FRRS1: variants seen among roughly 807,000 people sequenced by gnomAD.
FRRS1 encodes the protein ferric chelate reductase 1, also known as ferric reductase 1.
FRRS1 carries 51 observed loss-of-function variants against 70.7 expected under a neutral mutation model. The observed-to-expected ratio is 0.72, with a 90% CI of 0.58 to 0.91. The LOEUF (loss-of-function observed/expected upper bound fraction) is 0.91, where lower values mean the gene tolerates loss of function less well. FRRS1 is among the 40% of genes least tolerant of loss of function. FRRS1 has a pLI of 0.00. For missense variants in FRRS1, 672 were observed against 726.0 expected, an observed-to-expected ratio of 0.93 and a Z score of 0.86; for synonymous variants, 225 against 238.7, an observed-to-expected ratio of 0.94 and a Z score of 0.53.
intron 1 of FRRS1, 36 bp from the exon 2 acceptor site, chr1:99,749,037 C>CT: frequency 3.5e-6 from 1 of 289,334 alleles, no homozygotes; most frequent in Non-Finnish European, 6.4e-6. Flanking sequence ...CTTTTCAATG[C>CT]TGTTTTTTTT....
chr1:99,720,882 C>CAG (rs1237603440), intron 9 of FRRS1, among the ~76,000 whole-genome samples: 4 of 131,630 alleles, frequency 3.0e-5, no homozygotes, highest in Non-Finnish European at 6.6e-5. Flanking sequence ...CACACACACA[C>CAG]AGAAATCATT....
chr1:99,717,095 C>T (rs1654567010), intron 11 of FRRS1, among the ~76,000 whole-genome samples: 1 of 152,146 alleles, frequency 6.6e-6, no homozygotes, highest in African/African-American at 2.4e-5. Context: ...AATGCTCTTC[C>T]CACATCTCCC....
At chr1:99,744,969 CAAAAAAAAAAAAAA>C (rs71075450) in intron 4 of FRRS1, among the ~76,000 whole-genome samples, 5 of 91,740 alleles carry the variant, frequency 5.5e-5, no homozygotes, top group African/African-American at 7.9e-5. Context: ...GACTCCGTCT[CAAAAAAAAAAAAAA>C]AAAAAAAAAA....
At chr1:99,739,334 A>G (rs574015391) in intron 6 of FRRS1, among the ~76,000 whole-genome samples, 15 of 152,352 alleles carry the variant, frequency 9.8e-5, no homozygotes, top group African/African-American at 3.6e-4. Flanking sequence ...TTGATTGAAT[A>G]TACGGAAAGA....
intron 1 of FRRS1, among the ~76,000 whole-genome samples, chr1:99,764,793 A>G (rs1376822385): frequency 1.3e-5 from 2 of 152,210 alleles, no homozygotes; most frequent in African/African-American, 4.8e-5. Context: ...ATAAAATACT[A>G]TCTCCAAAAT....
Position 99,704,976 on chromosome 1 carries a change from T to C in FRRS1, c.*4052A>G, listed in dbSNP as rs545919761. ...CCCAGGTGTGATCCGATTCTCCTGG[T>C]ACACCAAGGCAAGAACCCAGGGATA... On this transcript the variant is annotated 3_prime_UTR_variant, in exon 17 of 17. Transcript: ENST00000646001. Among the ~76,000 whole-genome samples the C allele has an allele frequency of 6.6e-6, 1 of 152,240 alleles. No individual in the cohort carries two copies. Among genetic ancestry groups the C allele is most frequent in the South Asian group, 2.1e-4 (1 of 4,820 alleles).
intron 1 of FRRS1, among the ~76,000 whole-genome samples, chr1:99,759,937 T>A (rs1001656778): frequency 6.6e-6 from 1 of 152,202 alleles, no homozygotes; most frequent in Non-Finnish European, 1.5e-5. Context: ...TGTTCCCTGT[T>A]TAGAGAGAAG....
At chr1:99,709,177 A>G in intron 16 of FRRS1, 21 bp downstream of exon 16, 1 of 1,609,216 alleles carries the variant, frequency 6.2e-7, no homozygotes, top group East Asian at 2.2e-5. Flanking sequence ...GTTTGTGTCA[A>G]TGAACAAGAA....
At chr1:99,753,613 CA>C (rs999261322) in intron 1 of FRRS1, among the ~76,000 whole-genome samples, 2 of 151,212 alleles carry the variant, frequency 1.3e-5, no homozygotes, top group African/African-American at 4.9e-5. Context: ...TAAAAAAATA[CA>C]AAAAAAATTA....
At chr1:99,734,966 G>A (rs1171446416) in intron 7 of FRRS1, among the ~76,000 whole-genome samples, 1 of 152,060 alleles carries the variant, frequency 6.6e-6, no homozygotes, top group African/African-American at 2.4e-5. Context: ...ACAGCGCAGT[G>A]GAAGGAGAAG....
Position 99,708,614 on chromosome 1 carries a change from AAAAAAAAAAAAATATATATATATAT to A in FRRS1, c.*389_*413del, listed in dbSNP as rs1463637353. 3.2e-5 allele frequency: 3 copies of A among 92,458 alleles called. No individual in the cohort carries two copies. Among genetic ancestry groups the A allele is most frequent in the Non-Finnish European group, 6.1e-5 (3 of 49,490 alleles). 5.7% of individuals were successfully genotyped at this position (92,458 alleles called of 1,614,324 possible). On this transcript the variant is annotated 3_prime_UTR_variant, in exon 17 of 17. Coordinates refer to ENST00000646001, the MANE Select transcript of FRRS1 (RefSeq NM_001361041.2). ...CTCTGTCTCAAAAAAAAAAAAAAAA[AAAAAAAAAAAAATATATATATATAT>A]ATATATATATATATATATATATATC...
rs1180185721 is a variant in FRRS1 at position 99,704,355 on chromosome 1, T to C, written c.*4673A>G. Among the ~76,000 whole-genome samples, 1 of 152,162 alleles carries C rather than the reference T, an allele frequency of 6.6e-6. No homozygotes were observed. The highest frequency in any genetic ancestry group is 1.5e-5 in the Non-Finnish European group (1 of 68,036). ...GATGGTCAAAACAAAAAGATACCAA[T>C]GTTGGACAGCAAGTCAGGGAAGGAG... is the stretch of plus-strand genomic sequence containing the variant. On this transcript the variant is annotated 3_prime_UTR_variant, in exon 17 of 17. Coordinates refer to ENST00000646001, the MANE Select transcript of FRRS1 (RefSeq NM_001361041.2).
intron 14 of FRRS1, 140 bp from the exon 15 acceptor site, chr1:99,711,089 T>C: frequency 1.4e-6 from 1 of 722,288 alleles, no homozygotes; most frequent in Admixed American, 2.9e-5. Context: ...GACCAAATAG[T>C]TAATTCAGAC....
At position 99,744,547 on chromosome 1, in the gene FRRS1, G is replaced by A. The variant is rs889169198; in HGVS notation, c.334-2274C>T. On this transcript the variant is annotated intron_variant, in intron 4 of 16. Coordinates refer to ENST00000646001, the MANE Select transcript of FRRS1 (RefSeq NM_001361041.2). ...CATACCTGTAATCCCAGCACTTTGG[G>A]AGGCCAAGGCGGGCGGATCACCTGA... Among the ~76,000 whole-genome samples, 63 of 152,164 alleles carry A rather than the reference G, an allele frequency of 4.1e-4. 1 individual carries two copies. The highest frequency in any genetic ancestry group is 1.9e-4 in the East Asian group (1 of 5,176).
chr1:99,727,736 A>G (rs948205508), intron 9 of FRRS1, among the ~76,000 whole-genome samples: 1 of 152,194 alleles, frequency 6.6e-6, no homozygotes, highest in Non-Finnish European at 1.5e-5. Flanking sequence ...GTTATCTCCT[A>G]AGAGATGAGT....
At chr1:99,728,301 G>T (rs551895467) in intron 9 of FRRS1, among the ~76,000 whole-genome samples, 192 bp downstream of exon 9, 4 of 152,106 alleles carry the variant, frequency 2.6e-5, no homozygotes, top group African/African-American at 7.2e-5. Flanking sequence ...TATAACACAA[G>T]GGACACTCTA....
At chr1:99,748,447 G>T in intron 3 of FRRS1, 126 bp downstream of exon 3, 1 of 796,794 alleles carries the variant, frequency 1.3e-6, no homozygotes, top group Non-Finnish European at 2.1e-6. Flanking sequence ...AAAATAAGAA[G>T]TATGATAGTA....
At chr1:99,760,911 A>G (rs1036821739) in intron 1 of FRRS1, among the ~76,000 whole-genome samples, 1 of 152,166 alleles carries the variant, frequency 6.6e-6, no homozygotes, top group African/African-American at 2.4e-5. Flanking sequence ...TCGGCCTCCC[A>G]AAGTGCTGGA....
chr1:99,718,788 T>C lies in FRRS1; in HGVS notation c.1120+746A>G, dbSNP rs116442995. ...AAATTGTACCTTTGAAACCAAACTA[T>C]TGTTATAATTAATCAAAATCACAGG... On this transcript the variant is annotated intron_variant, in intron 10 of 16. Coordinates refer to ENST00000646001, the MANE Select transcript of FRRS1 (RefSeq NM_001361041.2). 4.0e-3 allele frequency among the ~76,000 whole-genome samples: 609 copies of C among 152,288 alleles called. 4 individuals are homozygous for C. Among genetic ancestry groups the C allele is most frequent in the African/African-American group, 0.014 (574 of 41,568 alleles).
Sources: allele counts gnomAD v4.1 joint callset (sites outside exome capture counted in the v4.1 genomes callset), GRCh38; gene constraint gnomAD v4.1.1; transcripts MANE v1.5; gene names NCBI Gene and HGNC (gene_info 2026-07-23, HGNC 2026-07-21).